Variants in ADORA2B observed in about 807,000 individuals in gnomAD.
ADORA2B encodes the protein adenosine receptor A2b.
A neutral mutation model predicts 20.8 loss-of-function variants in ADORA2B; 18 were observed. The observed-to-expected ratio is 0.87, with a 90% CI of 0.60 to 1.29. ADORA2B has a LOEUF of 1.29. ADORA2B is among the 50% of genes most tolerant of loss of function. The probability of loss-of-function intolerance (pLI) is 0.00; values close to 1 mark genes in which losing one functional copy is unlikely to be tolerated. For missense variants in ADORA2B, 441 were observed against 422.7 expected, an observed-to-expected ratio of 1.04 and a Z score of -0.38; for synonymous variants, 179 against 178.3, an observed-to-expected ratio of 1.00 and a Z score of -0.03.
the ADORA2B span, among the ~76,000 whole-genome samples, chr17:15,898,046 A>T: frequency 6.6e-6 from 1 of 152,200 alleles, no homozygotes; most frequent in African/African-American, 2.4e-5. Flanking sequence ...TGTCCCAACA[A>T]ATCTTTAAGA....
At chr17:15,881,837 T>A in the ADORA2B span, among the ~76,000 whole-genome samples, 1 of 152,242 alleles carries the variant, frequency 6.6e-6, no homozygotes, top group Admixed American at 6.5e-5. Flanking sequence ...TGGTTTTCCT[T>A]GTGTCTTCCA....
At chr17:15,852,023 G>A in the ADORA2B span, among the ~76,000 whole-genome samples, 60 of 152,268 alleles carry the variant, frequency 3.9e-4, no homozygotes, top group Non-Finnish European at 4.3e-4. Flanking sequence ...TTTACAGACG[G>A]TTTATTTTTT....
chr17:15,923,197 C>CTTTCTTT, the ADORA2B span, among the ~76,000 whole-genome samples: 3 of 90,334 alleles, frequency 3.3e-5, no homozygotes, highest in African/African-American at 1.6e-4. Context: ...TAATTTCTTT[C>CTTTCTTT]TTTTTTTAAT....
the ADORA2B span, among the ~76,000 whole-genome samples, chr17:15,858,236 G>A: frequency 1.3e-5 from 2 of 151,974 alleles, no homozygotes; most frequent in Non-Finnish European, 2.9e-5. Flanking sequence ...AGTGCACAAG[G>A]GTTTCTCTGC....
the ADORA2B span, among the ~76,000 whole-genome samples, chr17:15,930,459 C>A: frequency 6.6e-6 from 1 of 152,020 alleles, no homozygotes; most frequent in African/African-American, 2.4e-5. Flanking sequence ...CCTCACCTGG[C>A]TAATTTTTGT....
At chr17:15,882,767 C>A in the ADORA2B span, among the ~76,000 whole-genome samples, 18 of 92,850 alleles carry the variant, frequency 1.9e-4, no homozygotes, top group African/African-American at 7.9e-4. Flanking sequence ...CAGAACGTGT[C>A]CTCCTTCTGG....
chr17:15,930,284 TC>T, the ADORA2B span, among the ~76,000 whole-genome samples: 1 of 139,978 alleles, frequency 7.1e-6, no homozygotes, highest in African/African-American at 2.8e-5. Context: ...TTTATGTGTC[TC>T]CTTTTTTTTT....
intron 1 of ADORA2B, among the ~76,000 whole-genome samples, chr17:15,952,604 T>G (rs1969919809): frequency 6.6e-6 from 1 of 152,184 alleles, no homozygotes; most frequent in Non-Finnish European, 1.5e-5. Flanking sequence ...ATAAGGACAC[T>G]GGCAAATTGT....
At chr17:15,952,521 AG>A (rs762792441) in intron 1 of ADORA2B, among the ~76,000 whole-genome samples, 6 of 152,084 alleles carry the variant, frequency 3.9e-5, no homozygotes, top group Non-Finnish European at 5.9e-5. Flanking sequence ...GAGCAGCTGG[AG>A]GGAAGGACTG....
chr17:15,889,767 G>A, the ADORA2B span, among the ~76,000 whole-genome samples: 24 of 128,382 alleles, frequency 1.9e-4, 8 homozygotes, highest in African/African-American at 5.7e-4. Context: ...GTGTGGTAGC[G>A]TGCGCCTGTA....
At chr17:15,865,272 T>G in the ADORA2B span, among the ~76,000 whole-genome samples, 1 of 152,180 alleles carries the variant, frequency 6.6e-6, no homozygotes, top group Non-Finnish European at 1.5e-5. Context: ...TTTGTTGTTG[T>G]TGTTTAAGAG....
At chr17:15,957,790 A>G (rs1969986644) in intron 1 of ADORA2B, among the ~76,000 whole-genome samples, 1 of 151,532 alleles carries the variant, frequency 6.6e-6, no homozygotes, top group Non-Finnish European at 1.5e-5. Context: ...AACTCCTCCC[A>G]CCCGTCTCCG....
At chr17:15,927,784 G>A in the ADORA2B span, among the ~76,000 whole-genome samples, 3 of 152,212 alleles carry the variant, frequency 2.0e-5, no homozygotes, top group Admixed American at 6.5e-5. Flanking sequence ...AGAGGAATCC[G>A]GGACGCCCCT....
upstream of ADORA2B, among the ~76,000 whole-genome samples, chr17:15,941,019 T>A (rs562680053): frequency 7.7e-4 from 118 of 152,342 alleles, 1 homozygote; most frequent in African/African-American, 2.7e-3. Context: ...TCACCTGGAT[T>A]CTGCTCTGGC....
chr17:15,916,526 G>T, the ADORA2B span, among the ~76,000 whole-genome samples: 14,805 of 151,628 alleles, frequency 0.098, 2,076 homozygotes, highest in African/African-American at 0.31. Flanking sequence ...GAGCAAGGAG[G>T]GGGGGTACAT....
chr17:15,933,296 T>A, the ADORA2B span, among the ~76,000 whole-genome samples: 2 of 152,202 alleles, frequency 1.3e-5, no homozygotes. Flanking sequence ...TTCTGTGTCC[T>A]CTGCATTTCC....
the ADORA2B span, among the ~76,000 whole-genome samples, chr17:15,916,503 G>A: frequency 3.3e-5 from 5 of 151,502 alleles, no homozygotes; most frequent in Non-Finnish European, 7.4e-5. Flanking sequence ...GCGTGAGAGG[G>A]TCGTGATCAA....
At chr17:15,885,320 C>G in the ADORA2B span, among the ~76,000 whole-genome samples, 1 of 152,168 alleles carries the variant, frequency 6.6e-6, no homozygotes, top group Non-Finnish European at 1.5e-5. Context: ...CCACGTGTGG[C>G]TGCTGGCTGT....
At chr17:15,858,120 T>C in the ADORA2B span, among the ~76,000 whole-genome samples, 100 of 150,426 alleles carry the variant, frequency 6.6e-4, no homozygotes, top group African/African-American at 2.4e-3. Context: ...GGGATAAATA[T>C]CTAGAAGTGG....
Sources: allele counts gnomAD v4.1 joint callset (sites outside exome capture counted in the v4.1 genomes callset), GRCh38; gene constraint gnomAD v4.1.1; transcripts MANE v1.5; gene names NCBI Gene and HGNC (gene_info 2026-07-23, HGNC 2026-07-21).